Variants in BRD1 observed in about 807,000 individuals in gnomAD.
BRD1 encodes the protein bromodomain containing 1.
BRD1 carries 24 observed loss-of-function variants against 107.7 expected under a neutral mutation model. The observed-to-expected ratio is 0.22, with a 90% CI of 0.16 to 0.31. The LOEUF (loss-of-function observed/expected upper bound fraction) is 0.31, where lower values mean the gene tolerates loss of function less well. Ranked by LOEUF, BRD1 falls within the 10% of genes least tolerant of loss-of-function variation. The pLI is 1.00. For missense variants in BRD1, 1,279 were observed against 1,638.6 expected (o/e 0.78, Z 3.79); for synonymous variants, 744 against 686.1 (o/e 1.08, Z -1.32).
At chr22:49,796,353 CTCTTT>C (rs1357459350) in intron 6 of BRD1, among the ~76,000 whole-genome samples, 2 of 148,520 alleles carry the variant, frequency 1.3e-5, no homozygotes, top group Non-Finnish European at 3.0e-5. Context: ...CTCGGCCTCT[CTCTTT>C]TTTCTTTTTT....
At chr22:49,802,992 A>C (rs1002081445) in intron 3 of BRD1, among the ~76,000 whole-genome samples, 1 of 152,250 alleles carries the variant, frequency 6.6e-6, no homozygotes, top group Non-Finnish European at 1.5e-5. Flanking sequence ...TTCCATGGAC[A>C]GACACACAGT....
chr22:49,775,757 G>A lies in BRD1; in HGVS notation c.3232-12C>T, dbSNP rs746908591. ...TTGGGGTCGATGATCTGCACGAGAA[G>A]GACCCGCTGAGGTCATTGTGAGGCT... On this transcript the variant is annotated splice_polypyrimidine_tract_variant and intron_variant, in intron 11 of 12. Coordinates refer to ENST00000404760, the MANE Select transcript of BRD1 (RefSeq NM_001304808.3). 2.5e-6 allele frequency: 4 copies of A among 1,597,056 alleles called. No homozygotes were observed. The highest frequency in any genetic ancestry group is 2.3e-5 in the East Asian group (1 of 44,198).
intron 6 of BRD1, among the ~76,000 whole-genome samples, chr22:49,796,144 G>GT (rs1371242126): frequency 2.0e-5 from 3 of 150,582 alleles, no homozygotes; most frequent in Non-Finnish European, 1.5e-5. Context: ...AGGCTGGAGT[G>GT]TAGTGGCGTA....
intron 2 of BRD1, chr22:49,818,221 C>A (rs2059992200): frequency 1.7e-6 from 2 of 1,189,456 alleles, no homozygotes; most frequent in South Asian, 1.5e-5. Context: ...CAAAGCCTTG[C>A]CTATCTGAGG....
Position 49,823,936 on chromosome 22 carries a change from T to A in BRD1, c.382A>T (p.Ser128Cys), listed in dbSNP as rs2060115767. The A allele has an allele frequency of 6.2e-7, 1 of 1,614,198 alleles. No homozygotes were observed. The highest frequency in any genetic ancestry group is 8.5e-7 in the Non-Finnish European group (1 of 1,180,036). Residue 128 changes from serine to cysteine, a missense_variant, in exon 2 of 13, where the codon AGC (serine) becomes TGC (cysteine). Physicochemically the swap from Ser to Cys is moderately radical, Grantham distance 112 (BLOSUM62 -1). Coordinates refer to ENST00000404760, the MANE Select transcript of BRD1 (RefSeq NM_001304808.3). ...PEPKVRIVEY[S>C]PPSAPRRPPV... ...GGCCTCCTGGGGGCGGACGGAGGGC[T>A]GTACTCCACGATGCGCACCTTGGGC...
In BRD1 at chr22:49,827,839, G is replaced by A. The variant is rs1208859438; in HGVS notation, c.-357C>T. On this transcript the variant is annotated 5_prime_UTR_variant, in exon 1 of 13. Transcript: ENST00000404760. Reference sequence around the variant, plus strand: ...GGGCTGGCTCGGACTCCAGGGCCGGGTCGCTCGCTCGCTCCCCAGCGAAGC... The same window carrying A: ...GGGCTGGCTCGGACTCCAGGGCCGGATCGCTCGCTCGCTCCCCAGCGAAGC... Among the ~76,000 whole-genome samples the A allele has an allele frequency of 6.8e-6, 1 of 146,190 alleles. No homozygotes were observed. The highest frequency in any genetic ancestry group is 1.5e-5 in the Non-Finnish European group (1 of 65,776).
chr22:49,809,085 C>T (rs1330074478), intron 2 of BRD1, among the ~76,000 whole-genome samples: 2 of 152,118 alleles, frequency 1.3e-5, no homozygotes, highest in African/African-American at 2.4e-5. Context: ...CACCACTGCA[C>T]TCCAGCCTGG....
intron 2 of BRD1, chr22:49,818,503 T>C (rs2060000155): frequency 2.4e-5 from 12 of 502,736 alleles, no homozygotes; most frequent in Non-Finnish European, 3.2e-5. Flanking sequence ...CTCATGTGAA[T>C]GAGTCCTGCA....
intron 5 of BRD1, among the ~76,000 whole-genome samples, 191 bp from the exon 6 acceptor site, chr22:49,798,308 C>A (rs942101638): frequency 1.3e-5 from 2 of 152,244 alleles, no homozygotes; most frequent in African/African-American, 4.8e-5. Context: ...CTAAAGCACG[C>A]TGGAGGGTGC....
chr22:49,826,794 G>A (rs1345793086), intron 1 of BRD1, among the ~76,000 whole-genome samples: 3 of 152,206 alleles, frequency 2.0e-5, no homozygotes, highest in East Asian at 1.9e-4. Flanking sequence ...GCGCTTTCTG[G>A]GGAGACGGGG....
In BRD1 at chr22:49,792,963, C is replaced by T. The variant is rs978591454; in HGVS notation, c.2359+1071G>A. ...GACACTGCGTCACTCCGAGCACAGA[C>T]GTCCATAAGAGATGAACGTCTTTGT... On this transcript the variant is annotated intron_variant, in intron 7 of 12. Transcript: ENST00000404760. This position sits in a 1 kb window ranked among gnomAD's most constrained non-coding sequence, Gnocchi z 4.2. Among the ~76,000 whole-genome samples, 10 of 152,132 alleles carry T rather than the reference C, an allele frequency of 6.6e-5. No homozygotes were observed. The highest frequency in any genetic ancestry group is 1.0e-4 in the Non-Finnish European group (7 of 68,040).
In BRD1 at chr22:49,787,709, C is replaced by T. The variant is rs2059358434; in HGVS notation, c.2538G>A (p.Leu846=). The T allele has an allele frequency of 2.6e-6, 4 of 1,550,812 alleles. No individual in the cohort carries two copies. Among genetic ancestry groups the T allele is most frequent in the East Asian group, 2.4e-5 (1 of 40,924 alleles). The change falls in exon 8 of 13, where the codon CTG becomes CTA. Residue 846 remains leucine, a synonymous_variant. Coordinates refer to ENST00000404760, the MANE Select transcript of BRD1 (RefSeq NM_001304808.3). The stretch of plus-strand genomic sequence containing the variant: ...TGGGCTCTGGAGGGCGTCCGCTTAC[C>T]AGTGCGCTCTGAGTGCAAGCGCTAT... ...ESHSACTQSA[L]VSGRPPEPTR...
intron 2 of BRD1, among the ~76,000 whole-genome samples, chr22:49,811,433 G>A (rs987839961): frequency 3.3e-5 from 5 of 152,186 alleles, no homozygotes; most frequent in Admixed American, 6.5e-5. Context: ...TTAACCAAGG[G>A]GGATGGTTCC....
chr22:49,775,824 C>CCCCCCCCCAGCTGTGTGA (rs879766434), intron 11 of BRD1, 79 bp from the exon 12 acceptor site: 3 of 1,282,298 alleles, frequency 2.3e-6, no homozygotes, highest in African/African-American at 5.1e-5. Flanking sequence ...CACCCCCCCC[C>CCCCCCCCCAGCTGTGTGA]GCCTCCCCAC....
At position 49,822,824 on chromosome 22, in the gene BRD1, A is replaced by C; in HGVS notation, c.1367+127T>G. The C allele has an allele frequency of 3.7e-6, 4 of 1,084,226 alleles. No individual in the cohort carries two copies. In the South Asian group the frequency reaches 4.7e-5, roughly 13 times the overall value. The allele number at this position is 1,084,226 out of a possible 1,614,324, so 67.2% of individuals were successfully genotyped here. On this transcript the variant is annotated intron_variant, in intron 2 of 12. Transcript: ENST00000404760. Reference sequence around the variant, plus strand: ...ACAAGCAGAACCACACTTCAGGGGAATATTAGGAAGCTGCGCCAACTAGAA... The same window carrying C: ...ACAAGCAGAACCACACTTCAGGGGACTATTAGGAAGCTGCGCCAACTAGAA...
intron 7 of BRD1, 61 bp downstream of exon 7, chr22:49,793,973 G>A: frequency 3.8e-6 from 6 of 1,563,786 alleles, no homozygotes; most frequent in Non-Finnish European, 5.2e-6. Context: ...CTGTGCCTGT[G>A]CCTGTGCCTG....
chr22:49,802,136 C>T (rs1016079199), intron 3 of BRD1, among the ~76,000 whole-genome samples: 3 of 151,812 alleles, frequency 2.0e-5, no homozygotes, highest in African/African-American at 4.9e-5. Context: ...ATCGCAGGGG[C>T]GGAGACCAAT....
chr22:49,775,815 A>AGC, intron 11 of BRD1, 70 bp from the exon 12 acceptor site: 1 of 1,141,502 alleles, frequency 8.8e-7, no homozygotes, highest in Non-Finnish European at 1.1e-6. Context: ...TGTCACTGGC[A>AGC]CCCCCCCCCG....
At chr22:49,775,957 TGGACCACCGCCGTGAGCCTCCTC>T (rs1440226625) in intron 11 of BRD1, 70 bp downstream of exon 11, 44 of 1,031,174 alleles carry the variant, frequency 4.3e-5, no homozygotes, top group Admixed American at 3.7e-4. Flanking sequence ...GGAACCTCCT[TGGACCACCGCCGTGAGCCTCCTC>T]GGACCACCCC....
Sources: gnomAD v4.1 joint callset for allele counts (sites outside exome capture counted in the v4.1 genomes callset) on GRCh38, gnomAD v4.1.1 for gene constraint, Gnocchi (gnomAD v3.1) non-coding constraint, MANE v1.5 for transcripts, NCBI Gene and HGNC (gene_info 2026-07-23, HGNC 2026-07-21) for gene names.